The following PDGFC variants were observed in gnomAD, a reference collection of about 807,000 sequenced individuals.
PDGFC encodes the protein platelet-derived growth factor C.
PDGFC carries 12 observed loss-of-function variants against 35.5 expected under a neutral mutation model. The ratio of observed to expected loss-of-function variants is 0.34; its 90% CI spans 0.22 to 0.55. The LOEUF (loss-of-function observed/expected upper bound fraction) is 0.55, where lower values mean the gene tolerates loss of function less well. Ranked by LOEUF, PDGFC falls within the 20% of genes least tolerant of loss-of-function variation. PDGFC has a pLI of 0.91. For synonymous variants in PDGFC, 159 were observed against 148.8 expected, an observed-to-expected ratio of 1.07 and a Z score of -0.50; for missense variants, 322 against 412.4, an observed-to-expected ratio of 0.78 and a Z score of 1.90.
chr4:156,910,784 C>T (rs1402609262), intron 1 of PDGFC, among the ~76,000 whole-genome samples: 2 of 152,098 alleles, frequency 1.3e-5, no homozygotes, highest in East Asian at 3.9e-4. Flanking sequence ...TTTGCATTTA[C>T]CTAACGGCAG....
intron 2 of PDGFC, among the ~76,000 whole-genome samples, chr4:156,846,693 G>A (rs181829783): frequency 2.3e-4 from 35 of 151,764 alleles, no homozygotes; most frequent in African/African-American, 8.0e-4. Context: ...ACTAATGTTC[G>A]ATGGGAAATA....
At chr4:156,955,470 T>C (rs1732185655) in intron 1 of PDGFC, among the ~76,000 whole-genome samples, 1 of 152,084 alleles carries the variant, frequency 6.6e-6, no homozygotes, top group Non-Finnish European at 1.5e-5. Context: ...TTGCAATGTA[T>C]ACATATATCA....
At chr4:156,936,600 G>C (rs543201088) in intron 1 of PDGFC, among the ~76,000 whole-genome samples, 162 of 152,236 alleles carry the variant, frequency 1.1e-3, no homozygotes, top group African/African-American at 3.1e-3. Flanking sequence ...GAAGAATCAG[G>C]AAAAGGCAAT....
At position 156,970,850 on chromosome 4, in the gene PDGFC, C is replaced by T; in HGVS notation, c.54G>A (p.Gln18=). The T allele has an allele frequency of 1.2e-6, 2 of 1,614,064 alleles. No homozygotes were observed. The highest frequency in any genetic ancestry group is 1.7e-6 in the Non-Finnish European group (2 of 1,179,964). ...LLTSALAGQR[Q]GTQAESNLSS... ...TCAGGTTGGATTCCGCCTGAGTCCC[C>T]TGTCTCTGGCCGGCCAGGGCAGATG... is the stretch of plus-strand genomic sequence containing the variant. Residue 18 remains glutamine (Q), a synonymous_variant, in exon 1 of 6, where the codon CAG becomes CAA. Coordinates refer to ENST00000502773, the MANE Select transcript of PDGFC (RefSeq NM_016205.3).
At chr4:156,894,293 T>C (rs900919140) in intron 1 of PDGFC, among the ~76,000 whole-genome samples, 1 of 152,196 alleles carries the variant, frequency 6.6e-6, no homozygotes, top group African/African-American at 2.4e-5. Flanking sequence ...AAATACATAA[T>C]GTAGGATTTT....
chr4:156,938,406 GGCTCTT>G (rs1731731823), intron 1 of PDGFC, among the ~76,000 whole-genome samples: 1 of 152,014 alleles, frequency 6.6e-6, no homozygotes, highest in South Asian at 2.1e-4. Flanking sequence ...CATGACCAAT[GGCTCTT>G]GATCAGAGAT....
In PDGFC at chr4:156,941,457, A is replaced by T. The variant is rs145643415; in HGVS notation, c.118+29329T>A. ...CAGAACATTTGTTTTAGAGCTGGAC[A>T]TCCAAACAGCTTTCACAGGAATACT... On this transcript the variant is annotated intron_variant, in intron 1 of 5. Transcript: ENST00000502773. Among the ~76,000 whole-genome samples the T allele has an allele frequency of 7.4e-4, 112 of 152,314 alleles. 1 individual carries two copies. Among genetic ancestry groups the T allele is most frequent in the African/African-American group, 2.5e-3 (103 of 41,574 alleles).
chr4:156,967,791 TACA>T (rs1191537485), intron 1 of PDGFC: 1 of 152,212 alleles, frequency 6.6e-6, no homozygotes, highest in Non-Finnish European at 1.5e-5. Flanking sequence ...ACCATGGTCA[TACA>T]ACAAGTATAC....
At chr4:156,931,408 C>A (rs1731547189) in intron 1 of PDGFC, among the ~76,000 whole-genome samples, 1 of 152,136 alleles carries the variant, frequency 6.6e-6, no homozygotes, top group African/African-American at 2.4e-5. Context: ...GCTTAAGTCA[C>A]CCAGGATTGC....
chr4:156,875,755 T>C (rs1287593758), intron 1 of PDGFC, among the ~76,000 whole-genome samples: 2 of 151,950 alleles, frequency 1.3e-5, no homozygotes, highest in African/African-American at 2.4e-5. Context: ...CCATCTCTAA[T>C]AAAAATACAA....
intron 4 of PDGFC, 67 bp from the exon 5 acceptor site, chr4:156,768,057 A>C (rs1730588940): frequency 2.2e-6 from 2 of 911,222 alleles, no homozygotes; most frequent in Admixed American, 1.9e-5. Flanking sequence ...GTATTTCATT[A>C]AGCTCTTTTC....
intron 1 of PDGFC, among the ~76,000 whole-genome samples, chr4:156,898,214 G>A (rs6838844): frequency 0.027 from 4,151 of 152,188 alleles, 190 homozygotes; most frequent in African/African-American, 0.092. Flanking sequence ...TCAATGAACT[G>A]AGAAGTGGGC....
At chr4:156,842,940 T>G (rs1246391062) in intron 2 of PDGFC, among the ~76,000 whole-genome samples, 1 of 152,210 alleles carries the variant, frequency 6.6e-6, no homozygotes, top group African/African-American at 2.4e-5. Flanking sequence ...GCTTCAATAC[T>G]TAGATTACTT....
In PDGFC at chr4:156,767,764, T is replaced by TA. The variant is rs1362952889; in HGVS notation, c.921+8dup. 6.4e-7 allele frequency: 1 copy of TA among 1,570,850 alleles called. No individual in the cohort carries two copies. The highest frequency in any genetic ancestry group is 8.8e-7 in the Non-Finnish European group (1 of 1,140,810). ...CCGAAGGAAACCAAAAAGAAAATTG[T>TA]ATACCTACCTCGTGGTATTTTTTAG... On this transcript the variant is annotated intron_variant, in intron 5 of 5. Transcript: ENST00000502773.
intron 3 of PDGFC, among the ~76,000 whole-genome samples, chr4:156,788,758 A>AT (rs1487732461): frequency 6.6e-6 from 1 of 152,188 alleles, no homozygotes; most frequent in African/African-American, 2.4e-5. Flanking sequence ...TTTTAAAACC[A>AT]TTTTTCAGAA....
chr4:156,940,859 C>A (rs985098124), intron 1 of PDGFC, among the ~76,000 whole-genome samples: 1 of 152,038 alleles, frequency 6.6e-6, no homozygotes, highest in Non-Finnish European at 1.5e-5. Context: ...AATTTCAAAA[C>A]TATAAAATAA....
chr4:156,824,649 T>C (rs1266579467), intron 2 of PDGFC, among the ~76,000 whole-genome samples: 1 of 152,140 alleles, frequency 6.6e-6, no homozygotes, highest in East Asian at 1.9e-4. Context: ...AGTCAGCTAC[T>C]ACCTATGTGT....
chr4:156,875,835 G>T (rs1730103249), intron 1 of PDGFC, among the ~76,000 whole-genome samples: 1 of 152,076 alleles, frequency 6.6e-6, no homozygotes. Flanking sequence ...GTGAGCCTAG[G>T]TTGTACCACT....
intron 1 of PDGFC, among the ~76,000 whole-genome samples, chr4:156,959,103 T>C (rs556351218): frequency 3.9e-5 from 6 of 152,186 alleles, no homozygotes; most frequent in African/African-American, 1.2e-4. Flanking sequence ...AACCTAATGA[T>C]ACCAGAAATC....
Sources: gnomAD v4.1 joint callset for allele counts (sites outside exome capture counted in the v4.1 genomes callset) on GRCh38, gnomAD v4.1.1 for gene constraint, MANE v1.5 for transcripts, NCBI Gene and HGNC (gene_info 2026-07-23, HGNC 2026-07-21) for gene names.